The following KIF1B variants were observed in gnomAD, a reference collection of about 807,000 sequenced individuals.
KIF1B encodes kinesin family member 1B, also known as kinesin-like protein KIF1B.
In KIF1B, 76 loss-of-function variants were observed where a neutral mutation model predicts 241.9. The observed-to-expected ratio is 0.31, with a 90% CI of 0.26 to 0.38. KIF1B has a LOEUF of 0.38. KIF1B is among the 10% of genes least tolerant of loss of function. The probability of loss-of-function intolerance (pLI) is 1.00; values close to 1 mark genes in which losing one functional copy is unlikely to be tolerated. For synonymous variants in KIF1B, 750 were observed against 796.7 expected, an observed-to-expected ratio of 0.94 and a Z score of 0.99; for missense variants, 1,622 against 2,271.4, an observed-to-expected ratio of 0.71 and a Z score of 5.81.
chr1:10,225,406 G>C (rs899492242), intron 1 of KIF1B, among the ~76,000 whole-genome samples: 3 of 152,096 alleles, frequency 2.0e-5, no homozygotes, highest in African/African-American at 2.4e-5. Flanking sequence ...AGTCACTTGA[G>C]CCTGGGAGGT....
At chr1:10,313,647 T>C (rs1166373798) in intron 22 of KIF1B, among the ~76,000 whole-genome samples, 1 of 144,002 alleles carries the variant, frequency 6.9e-6, no homozygotes, top group East Asian at 2.1e-4. Context: ...GCCTCCTGGG[T>C]TCACACCATT....
intron 11 of KIF1B, 107 bp downstream of exon 11, chr1:10,275,610 G>A: frequency 1.3e-6 from 1 of 779,140 alleles, no homozygotes; most frequent in Non-Finnish European, 2.3e-6. Flanking sequence ...AGATATTCAT[G>A]TTACTACTTG....
intron 4 of KIF1B, among the ~76,000 whole-genome samples, chr1:10,261,065 C>A (rs1197262136): frequency 1.3e-5 from 2 of 151,576 alleles, no homozygotes; most frequent in Non-Finnish European, 2.9e-5. Flanking sequence ...CTCCTGGGTT[C>A]AATTAATTCT....
chr1:10,298,901 A>G (rs1029579724), intron 22 of KIF1B: 2 of 152,064 alleles, frequency 1.3e-5, no homozygotes, highest in South Asian at 2.1e-4. Context: ...CACGCCTGTA[A>G]TCCCAGCACT....
chr1:10,217,475 G>T (rs1646784943), intron 1 of KIF1B, among the ~76,000 whole-genome samples: 1 of 149,772 alleles, frequency 6.7e-6, no homozygotes, highest in Non-Finnish European at 1.5e-5. Context: ...CCACCACCAA[G>T]CCCAGCTAAT....
rs1638849729 is a variant in KIF1B at position 10,375,236 on chromosome 1, A to G, written c.5290-19A>G. On this transcript the variant is annotated intron_variant, in intron 47 of 48. Coordinates refer to ENST00000676179, the MANE Select transcript of KIF1B (RefSeq NM_001365951.3). The stretch of plus-strand genomic sequence containing the variant: ...TGTCTCTGTAGTAACTTTCTTGTCT[A>G]CCTGCATTTTTCTTTCAGACACCAA... The G allele has an allele frequency of 7.5e-6, 12 of 1,600,788 alleles. No individual in the cohort carries two copies. In the East Asian group the frequency reaches 2.7e-4, roughly 36 times the overall value.
chr1:10,252,780 T>C (rs1361310486), intron 2 of KIF1B, among the ~76,000 whole-genome samples: 1 of 151,876 alleles, frequency 6.6e-6, no homozygotes, highest in African/African-American at 2.4e-5. Context: ...AGTACAGTGG[T>C]GTGATCTTGG....
chr1:10,266,358 G>A (rs1390723948), intron 5 of KIF1B, among the ~76,000 whole-genome samples: 1 of 152,232 alleles, frequency 6.6e-6, no homozygotes, highest in African/African-American at 2.4e-5. Context: ...GAGTTGCTTA[G>A]ATACATGTTT....
intron 2 of KIF1B, among the ~76,000 whole-genome samples, chr1:10,256,008 C>G (rs1647759296): frequency 6.6e-6 from 1 of 151,470 alleles, no homozygotes; most frequent in African/African-American, 2.4e-5. Flanking sequence ...AGGGTTTCAC[C>G]ATGTTGCCCA....
chr1:10,289,356 A>C (rs771487293), intron 15 of KIF1B, among the ~76,000 whole-genome samples: 1 of 152,086 alleles, frequency 6.6e-6, no homozygotes, highest in Non-Finnish European at 1.5e-5. Flanking sequence ...CTAGCAACAC[A>C]TTATTCCTAG....
In KIF1B at chr1:10,376,972, C is replaced by A. The variant is rs1638908556; in HGVS notation, c.*385C>A. ...GTATGATAGGTCCCCATCATGACCA[C>A]CTCTGATGTCTGTGCTGCTGTCACC... On this transcript the variant is annotated 3_prime_UTR_variant, in exon 49 of 49. Coordinates refer to ENST00000676179, the MANE Select transcript of KIF1B (RefSeq NM_001365951.3). 8.6e-6 allele frequency: 3 copies of A among 347,572 alleles called. No homozygotes were observed. Among genetic ancestry groups the A allele is most frequent in the Non-Finnish European group, 1.6e-5 (3 of 182,628 alleles). 21.5% of individuals were successfully genotyped at this position (347,572 alleles called of 1,614,324 possible). A position where few individuals can be genotyped will look rare whatever the true frequency, so the allele number is the denominator to read the frequency against.
At chr1:10,341,902 G>T in intron 32 of KIF1B, 148 bp from the exon 33 acceptor site, 1 of 662,876 alleles carries the variant, frequency 1.5e-6, no homozygotes. Context: ...GCCCGGGAGG[G>T]TGAGGCCGCA....
chr1:10,215,239 C>T (rs868189215), intron 1 of KIF1B, among the ~76,000 whole-genome samples: 47 of 132,272 alleles, frequency 3.6e-4, no homozygotes, highest in African/African-American at 1.1e-3. Context: ...TGCAACGGCG[C>T]GATCTCGGCT....
intron 4 of KIF1B, among the ~76,000 whole-genome samples, chr1:10,261,233 C>G (rs1227481428): frequency 1.3e-5 from 2 of 150,808 alleles, no homozygotes; most frequent in Non-Finnish European, 2.9e-5. Flanking sequence ...TCCCAAAGTG[C>G]TGAGATTTAC....
In KIF1B at chr1:10,313,742, G is replaced by A. The variant is rs572541469; in HGVS notation, c.2116-6301G>A. On this transcript the variant is annotated intron_variant, in intron 22 of 48. Transcript: ENST00000676179. Reference sequence around the variant, plus strand: ...ATTTTTTGTAGTTTTAGTAGAGACGGGGTTTCACCGTGTTAGCCAGGATGG... The same window carrying A: ...ATTTTTTGTAGTTTTAGTAGAGACGAGGTTTCACCGTGTTAGCCAGGATGG... Among the ~76,000 whole-genome samples, 6 of 150,886 alleles carry A rather than the reference G, an allele frequency of 4.0e-5. 1 individual carries two copies. In the South Asian group the frequency reaches 1.2e-3, roughly 31 times the overall value.
intron 31 of KIF1B, 98 bp from the exon 32 acceptor site, chr1:10,339,671 A>T: frequency 2.1e-6 from 2 of 971,736 alleles, no homozygotes; most frequent in East Asian, 2.6e-5. Context: ...CTTAAGTGGA[A>T]TGCTTCTTTC....
intron 2 of KIF1B, among the ~76,000 whole-genome samples, chr1:10,246,018 G>A (rs79617771): frequency 7.4e-4 from 112 of 152,148 alleles, no homozygotes; most frequent in African/African-American, 2.6e-3. Flanking sequence ...TAGTTCTGGG[G>A]GCTTAAATGT....
At chr1:10,372,715 C>T (rs1569926787) in intron 45 of KIF1B, among the ~76,000 whole-genome samples, 2 of 142,664 alleles carry the variant, frequency 1.4e-5, no homozygotes, top group South Asian at 2.2e-4. Flanking sequence ...CTGCAAGCTC[C>T]GCCTCCCAGG....
chr1:10,336,817 G>A, intron 29 of KIF1B, 75 bp downstream of exon 29: 1 of 1,391,898 alleles, frequency 7.2e-7, no homozygotes, highest in Non-Finnish European at 1.0e-6. Context: ...CAGTTCTCCT[G>A]TAAAACTGAA....
Sources: gnomAD v4.1 joint callset for allele counts (sites outside exome capture counted in the v4.1 genomes callset) on GRCh38, gnomAD v4.1.1 for gene constraint, MANE v1.5 for transcripts, NCBI Gene and HGNC (gene_info 2026-07-23, HGNC 2026-07-21) for gene names.